Variants in MARCO observed in about 807,000 individuals in gnomAD.
MARCO encodes macrophage receptor with collagenous structure.
In MARCO, 72 loss-of-function variants were observed where a neutral mutation model predicts 70.0. That is an observed-to-expected ratio of 1.03 (90% confidence interval 0.85 to 1.25). MARCO has a LOEUF of 1.25. MARCO is among the 50% of genes most tolerant of loss of function. The pLI is 0.00. For missense variants in MARCO, 696 were observed against 659.3 expected, an observed-to-expected ratio of 1.06 and a Z score of -0.61; for synonymous variants, 273 against 243.1, an observed-to-expected ratio of 1.12 and a Z score of -1.14.
chr2:118,948,286 T>C (rs1289278374), intron 1 of MARCO, among the ~76,000 whole-genome samples: 1 of 152,256 alleles, frequency 6.6e-6, no homozygotes, highest in Non-Finnish European at 1.5e-5. Flanking sequence ...TCATCCTTAC[T>C]GCTGTGTCCT....
At chr2:118,983,036 A>G (rs1188284406) in intron 12 of MARCO, among the ~76,000 whole-genome samples, 1 of 152,222 alleles carries the variant, frequency 6.6e-6, no homozygotes, top group Non-Finnish European at 1.5e-5. Context: ...CACAATGCAT[A>G]AGATCAATTC....
chr2:118,974,916 C>T (rs755614567), intron 6 of MARCO, among the ~76,000 whole-genome samples: 3 of 152,146 alleles, frequency 2.0e-5, no homozygotes, highest in Non-Finnish European at 4.4e-5. Flanking sequence ...TGGTGTCAGG[C>T]ACATGCACCT....
intron 7 of MARCO, 59 bp downstream of exon 7, chr2:118,977,574 T>G: frequency 6.7e-7 from 1 of 1,491,148 alleles, no homozygotes. Context: ...ACTGAGGCAG[T>G]TCCCCCCCAC....
chr2:118,969,263 T>C lies in MARCO; in HGVS notation c.199+2T>C, dbSNP rs1265943587. 2.2e-5 allele frequency: 35 copies of C among 1,613,070 alleles called. No homozygotes were observed. Among genetic ancestry groups the C allele is most frequent in the Admixed American group, 1.5e-4 (9 of 60,004 alleles). Reference sequence around the variant, plus strand: ...GCGCTGGGCTGCTGGTGGTCCAAGGTAAAGCAGGCTTGGTCCTGTGTAGTC... The same window carrying C: ...GCGCTGGGCTGCTGGTGGTCCAAGGCAAAGCAGGCTTGGTCCTGTGTAGTC... On this transcript the variant is annotated splice_donor_variant, in intron 2 of 16. Transcript: ENST00000327097. LOFTEE classifies it high-confidence loss of function.
At position 118,981,399 on chromosome 2, in the gene MARCO, G is replaced by A; in HGVS notation, c.767-10G>A. ...CTCCCACAACTAACCAAGACTTTTT[G>A]GTTTTTCAGGAAGCAAAGGGGACAG... On this transcript the variant is annotated splice_polypyrimidine_tract_variant and intron_variant, in intron 8 of 16. Coordinates refer to ENST00000327097, the MANE Select transcript of MARCO (RefSeq NM_006770.4). The A allele has an allele frequency of 6.3e-7, 1 of 1,586,110 alleles. No individual in the cohort carries two copies. The highest frequency in any genetic ancestry group is 1.4e-5 in the African/African-American group (1 of 73,462).
intron 4 of MARCO, among the ~76,000 whole-genome samples, chr2:118,972,590 C>T (rs1227438497): frequency 6.6e-6 from 1 of 152,186 alleles, no homozygotes; most frequent in Non-Finnish European, 1.5e-5. Context: ...CAGGATAAAA[C>T]AATAAATGTA....
chr2:118,948,529 G>A (rs558676652), intron 1 of MARCO, among the ~76,000 whole-genome samples: 2 of 152,204 alleles, frequency 1.3e-5, no homozygotes, highest in East Asian at 1.9e-4. Flanking sequence ...AGTTATTAAC[G>A]CAAAGCAAGA....
chr2:118,994,497 G>GCAGGCGTGGAGTGCAGCGTCTGACC lies in MARCO; in HGVS notation c.1542_*3dup. 6.2e-7 allele frequency: 1 copy of GCAGGCGTGGAGTGCAGCGTCTGACC among 1,608,744 alleles called. No individual in the cohort carries two copies. Among genetic ancestry groups the GCAGGCGTGGAGTGCAGCGTCTGACC allele is most frequent in the Non-Finnish European group, 8.5e-7 (1 of 1,177,126 alleles). ...TCATGACTGCAGCCACGAGGAGGAC[G>GCAGGCGTGGAGTGCAGCGTCTGACC]CAGGCGTGGAGTGCAGCGTCTGACC... On this transcript the variant is annotated stop_gained and frameshift_variant, in exon 17 of 17. Transcript: ENST00000327097. LOFTEE classifies it high-confidence loss of function.
Position 118,978,670 on chromosome 2 carries a change from G to A in MARCO, c.766+735G>A, listed in dbSNP as rs1680333279. Among the ~76,000 whole-genome samples, 6 of 152,252 alleles carry A rather than the reference G, an allele frequency of 3.9e-5. No individual in the cohort carries two copies. The South Asian group carries it at 1.2e-3, about 32-fold the overall frequency. Reference sequence around the variant, plus strand: ...ATACTTCACCCTTCTGAGCTTTAATGTTCTCATTTTAGAAAAGAATGGTAA... The same window carrying A: ...ATACTTCACCCTTCTGAGCTTTAATATTCTCATTTTAGAAAAGAATGGTAA... On this transcript the variant is annotated intron_variant, in intron 8 of 16. Coordinates refer to ENST00000327097, the MANE Select transcript of MARCO (RefSeq NM_006770.4).
intron 1 of MARCO, among the ~76,000 whole-genome samples, chr2:118,963,744 A>C (rs1257053692): frequency 6.6e-6 from 1 of 152,036 alleles, no homozygotes; most frequent in Non-Finnish European, 1.5e-5. Context: ...TGCTTCATGT[A>C]TTTTGAAGTT....
Position 118,986,672 on chromosome 2 carries a change from G to GGAAAGAAAGAAAGAAA in MARCO, c.1064-3880_1064-3865dup, listed in dbSNP as rs70949954. On this transcript the variant is annotated intron_variant, in intron 12 of 16. Coordinates refer to ENST00000327097, the MANE Select transcript of MARCO (RefSeq NM_006770.4). ...AAGAAAGAAGGAAGGAAGGAAGGAA[G>GGAAAGAAAGAAAGAAA]GAAAGAAAGAAAGAAAGAAAGAAAG... is the stretch of plus-strand genomic sequence containing the variant. 3.9e-3 allele frequency among the ~76,000 whole-genome samples: 188 copies of GGAAAGAAAGAAAGAAA among 48,656 alleles called. 6 individuals are homozygous for GGAAAGAAAGAAAGAAA. The highest frequency in any genetic ancestry group is 6.3e-3 in the Admixed American group (28 of 4,454). The allele number at this position is 48,656 out of a possible 152,430, so 31.9% of individuals were successfully genotyped here.
intron 15 of MARCO, 98 bp downstream of exon 15, chr2:118,992,574 A>C: frequency 2.7e-6 from 3 of 1,094,750 alleles, no homozygotes; most frequent in Non-Finnish European, 2.7e-6. Context: ...TTCTCAAATA[A>C]ATTTCTCATT....
chr2:118,969,806 T>C (rs2104576996), intron 2 of MARCO, among the ~76,000 whole-genome samples: 1 of 152,012 alleles, frequency 6.6e-6, no homozygotes, highest in Non-Finnish European at 1.5e-5. Flanking sequence ...TTAGCTGTCA[T>C]GCATCTACAC....
intron 12 of MARCO, among the ~76,000 whole-genome samples, chr2:118,983,414 G>A (rs1396027763): frequency 6.6e-6 from 1 of 152,160 alleles, no homozygotes; most frequent in Non-Finnish European, 1.5e-5. Context: ...CTCTGGGCTT[G>A]AGCTTTTGTG....
intron 8 of MARCO, among the ~76,000 whole-genome samples, chr2:118,980,212 G>A (rs1392546226): frequency 1.3e-5 from 2 of 152,206 alleles, no homozygotes; most frequent in African/African-American, 4.8e-5. Context: ...AGGTGCCGTT[G>A]GCCCCTTCTC....
intron 1 of MARCO, among the ~76,000 whole-genome samples, chr2:118,967,975 A>T (rs1024836294): frequency 1.3e-5 from 2 of 152,144 alleles, no homozygotes; most frequent in Admixed American, 1.3e-4. Flanking sequence ...TTGAAGCTAG[A>T]CCAACCTGGG....
chr2:118,991,769 C>T lies in MARCO; in HGVS notation c.1109-8C>T. The T allele has an allele frequency of 6.4e-7, 1 of 1,556,422 alleles. No homozygotes were observed. The highest frequency in any genetic ancestry group is 2.0e-5 in the Admixed American group (1 of 50,876). On this transcript the variant is annotated splice_polypyrimidine_tract_variant and splice_region_variant and intron_variant, in intron 13 of 16. Coordinates refer to ENST00000327097, the MANE Select transcript of MARCO (RefSeq NM_006770.4). ...GGCACCTGATCAGGGCAGTGTCTCT[C>T]CTTCCAGGCCCTGCAGGTGTGAAGG...
At chr2:118,942,528 A>ATT (rs1308073066) in intron 1 of MARCO, 131 bp downstream of exon 1, 1 of 666,782 alleles carries the variant, frequency 1.5e-6, no homozygotes, top group Non-Finnish European at 2.6e-6. Context: ...AATCATCACT[A>ATT]ATACTGTCTG....
At chr2:118,991,049 C>T (rs1007848967) in intron 13 of MARCO, among the ~76,000 whole-genome samples, 4 of 152,108 alleles carry the variant, frequency 2.6e-5, no homozygotes, top group African/African-American at 7.2e-5. Context: ...TCTCTGCCTC[C>T]TGCTGCCTGT....
Sources: gnomAD v4.1 joint callset for allele counts (sites outside exome capture counted in the v4.1 genomes callset) on GRCh38, gnomAD v4.1.1 for gene constraint, MANE v1.5 for transcripts, NCBI Gene and HGNC (gene_info 2026-07-23, HGNC 2026-07-21) for gene names.